Variants in HSD17B12 observed in about 807,000 individuals in gnomAD.
HSD17B12 encodes the protein very-long-chain 3-oxoacyl-CoA reductase.
HSD17B12 carries 32 observed loss-of-function variants against 39.3 expected under a neutral mutation model. The ratio of observed to expected loss-of-function variants is 0.81; its 90% CI spans 0.61 to 1.09. The LOEUF (loss-of-function observed/expected upper bound fraction) is 1.09, where lower values mean the gene tolerates loss of function less well. Among genes scored for constraint, HSD17B12 ranks in the 50% least tolerant of loss-of-function variants. The pLI is 0.00. For missense variants in HSD17B12, 342 were observed against 382.9 expected, an observed-to-expected ratio of 0.89 and a Z score of 0.89; for synonymous variants, 150 against 146.7, an observed-to-expected ratio of 1.02 and a Z score of -0.16.
chr11:43,646,964 T>G, the HSD17B12 span, among the ~76,000 whole-genome samples: 1 of 152,214 alleles, frequency 6.6e-6, no homozygotes, highest in African/African-American at 2.4e-5. Context: ...AAAGGTGTCT[T>G]TTTGAAACCC....
intron 3 of HSD17B12, among the ~76,000 whole-genome samples, chr11:43,788,327 G>A (rs1376005116): frequency 6.6e-6 from 1 of 152,102 alleles, no homozygotes; most frequent in African/African-American, 2.4e-5. Context: ...TAAAAAAAAT[G>A]CTGAGACATA....
the HSD17B12 span, among the ~76,000 whole-genome samples, chr11:43,563,954 A>G: frequency 4.0e-5 from 6 of 151,486 alleles, no homozygotes; most frequent in African/African-American, 1.5e-4. Flanking sequence ...TTGCTCTGTC[A>G]CCCAGGCTGG....
chr11:43,632,059 AG>A, the HSD17B12 span, among the ~76,000 whole-genome samples: 3 of 152,190 alleles, frequency 2.0e-5, no homozygotes, highest in African/African-American at 7.2e-5. Flanking sequence ...TCTTCTAAAA[AG>A]TTGTCAGAAA....
intron 7 of HSD17B12, among the ~76,000 whole-genome samples, chr11:43,836,575 T>C (rs1951372984): frequency 6.6e-6 from 1 of 152,068 alleles, no homozygotes; most frequent in African/African-American, 2.4e-5. Flanking sequence ...ACTTTAATGG[T>C]TTTTAGGGTA....
At chr11:43,767,764 A>G (rs1392366145) in intron 3 of HSD17B12, among the ~76,000 whole-genome samples, 1 of 152,214 alleles carries the variant, frequency 6.6e-6, no homozygotes, top group African/African-American at 2.4e-5. Context: ...ATTTAACAAC[A>G]CCAGGCCACT....
chr11:43,686,835 T>G (rs1375108265), intron 1 of HSD17B12, among the ~76,000 whole-genome samples: 4 of 152,232 alleles, frequency 2.6e-5, no homozygotes, highest in Non-Finnish European at 5.9e-5. Context: ...TGTGCTCTGA[T>G]TACCTGAGCT....
At chr11:43,625,332 T>C in the HSD17B12 span, among the ~76,000 whole-genome samples, 1 of 151,556 alleles carries the variant, frequency 6.6e-6, no homozygotes, top group Non-Finnish European at 1.5e-5. Flanking sequence ...TGTGGTAACA[T>C]ACTGGTCATA....
intron 4 of HSD17B12, 84 bp downstream of exon 4, chr11:43,798,511 T>A: frequency 1.2e-6 from 1 of 811,638 alleles, no homozygotes; most frequent in Non-Finnish European, 2.0e-6. Flanking sequence ...GTAAAATGAC[T>A]AGTGAGAAAA....
chr11:43,856,132 GTTGATACTCTACAGGTAGCTA>G lies in HSD17B12; in HGVS notation c.*891_*911del, dbSNP rs970956242. On this transcript the variant is annotated 3_prime_UTR_variant, in exon 11 of 11. Coordinates refer to ENST00000278353, the MANE Select transcript of HSD17B12 (RefSeq NM_016142.3). The stretch of plus-strand genomic sequence containing the variant: ...ATAGAAATGGCATTATAATTTTTAA[GTTGATACTCTACAGGTAGCTA>G]TTGATATAATTAGTTTTAATAAAAC... 2 of 152,164 alleles carry G rather than the reference GTTGATACTCTACAGGTAGCTA, an allele frequency of 1.3e-5. No individual in the cohort carries two copies. The highest frequency in any genetic ancestry group is 2.4e-5 in the African/African-American group (1 of 41,408). The allele number at this position is 152,164 out of a possible 1,614,324, so 9.4% of individuals were successfully genotyped here.
At chr11:43,666,108 A>G in the HSD17B12 span, among the ~76,000 whole-genome samples, 1 of 150,530 alleles carries the variant, frequency 6.6e-6, no homozygotes, top group South Asian at 2.1e-4. Context: ...CAGTCATGCT[A>G]CTCTTTCTTC....
intron 4 of HSD17B12, 95 bp from the exon 5 acceptor site, chr11:43,815,342 A>G: frequency 8.7e-6 from 5 of 572,532 alleles, no homozygotes; most frequent in East Asian, 3.0e-5. Flanking sequence ...ATAATTATAT[A>G]TATCATATTA....
upstream of HSD17B12, among the ~76,000 whole-genome samples, chr11:43,676,098 G>A (rs1949691827): frequency 6.6e-6 from 1 of 151,800 alleles, no homozygotes; most frequent in Admixed American, 6.6e-5. Flanking sequence ...GGCGGTAAGA[G>A]CGGGAAAAAA....
upstream of HSD17B12, among the ~76,000 whole-genome samples, chr11:43,676,208 GGTGTGTGTGTGTGT>G (rs56092553): frequency 6.8e-6 from 1 of 147,626 alleles, no homozygotes; most frequent in African/African-American, 2.5e-5. Flanking sequence ...AGAGGAAGAG[GGTGTGTGTGTGTGT>G]GTGTGTGTGT....
the HSD17B12 span, among the ~76,000 whole-genome samples, chr11:43,637,943 C>T: frequency 6.6e-6 from 1 of 152,070 alleles, no homozygotes; most frequent in Non-Finnish European, 1.5e-5. Context: ...TACCATGGCC[C>T]TCTGTGCACT....
Position 43,719,625 on chromosome 11 carries a change from A to ATAT in HSD17B12, c.161-31286_161-31285insTAT, listed in dbSNP as rs201952196. On this transcript the variant is annotated intron_variant, in intron 1 of 10. Coordinates refer to ENST00000278353, the MANE Select transcript of HSD17B12 (RefSeq NM_016142.3). ...AAAGGACAAGGACTTCAAAAAAAAA[A>ATAT]AAATATATATATATATATACCTTGA... Among the ~76,000 whole-genome samples the ATAT allele has an allele frequency of 5.3e-5, 7 of 131,120 alleles. No homozygotes were observed. In the East Asian group the frequency reaches 6.3e-4, roughly 12 times the overall value. The allele number at this position is 131,120 out of a possible 152,430, so 86.0% of individuals were successfully genotyped here. A position where few individuals can be genotyped will look rare whatever the true frequency, so the allele number is the denominator to read the frequency against.
At chr11:43,601,244 A>T in the HSD17B12 span, among the ~76,000 whole-genome samples, 1 of 151,988 alleles carries the variant, frequency 6.6e-6, no homozygotes, top group African/African-American at 2.4e-5. Context: ...CTAAAGGCAC[A>T]TGTGAAAATT....
chr11:43,827,659 A>G (rs905479571), intron 6 of HSD17B12, among the ~76,000 whole-genome samples: 1 of 152,226 alleles, frequency 6.6e-6, no homozygotes, highest in Non-Finnish European at 1.5e-5. Context: ...ACATTTTAAT[A>G]TAACATTTTC....
chr11:43,837,138 A>G (rs1951378540), intron 7 of HSD17B12, among the ~76,000 whole-genome samples: 1 of 152,154 alleles, frequency 6.6e-6, no homozygotes, highest in African/African-American at 2.4e-5. Context: ...TCTCACCTAG[A>G]GGCTGGCAGA....
intron 1 of HSD17B12, among the ~76,000 whole-genome samples, chr11:43,695,886 G>A (rs561835745): frequency 6.6e-6 from 1 of 152,080 alleles, no homozygotes; most frequent in Non-Finnish European, 1.5e-5. Flanking sequence ...GCAAGTGAAC[G>A]TTTGTTACAT....
Sources: allele counts gnomAD v4.1 joint callset (sites outside exome capture counted in the v4.1 genomes callset), GRCh38; gene constraint gnomAD v4.1.1; transcripts MANE v1.5; gene names NCBI Gene and HGNC (gene_info 2026-07-23, HGNC 2026-07-21).